The following DIAPH2 variants were observed in gnomAD, a reference collection of about 807,000 sequenced individuals.
DIAPH2 encodes diaphanous related formin 2, also known as protein diaphanous homolog 2.
DIAPH2 carries 35 observed loss-of-function variants against 92.7 expected under a neutral mutation model. That is an observed-to-expected ratio of 0.38 (90% CI 0.29 to 0.50). The LOEUF (loss-of-function observed/expected upper bound fraction) is 0.50. Ranked by LOEUF, DIAPH2 falls within the 20% of genes least tolerant of loss-of-function variation. DIAPH2 has a pLI of 0.94. For synonymous variants in DIAPH2, 301 were observed against 280.4 expected (o/e 1.07, Z -0.73); for missense variants, 701 against 819.5 (o/e 0.86, Z 1.77).
intron 23 of DIAPH2, among the ~76,000 whole-genome samples, chrX:97,277,088 G>A (rs1171982312): frequency 8.9e-6 from 1 of 112,489 alleles, no homozygotes; most frequent in Non-Finnish European, 1.9e-5. Flanking sequence ...TGTAATCCCA[G>A]CACTTTGGGA....
chrX:97,099,828 G>GC (rs1279788264), intron 20 of DIAPH2, 33 bp downstream of exon 20: 3 of 885,810 alleles, frequency 3.4e-6, no homozygotes, highest in Admixed American at 3.5e-5. Flanking sequence ...CACAAACTCA[G>GC]CTGGGAGGTT....
intron 26 of DIAPH2, among the ~76,000 whole-genome samples, chrX:97,497,073 C>T (rs2070764219): frequency 1.8e-5 from 2 of 110,308 alleles, no homozygotes; most frequent in South Asian, 7.8e-4. Flanking sequence ...TGAATTCATT[C>T]AGATAAGTGG....
chrX:97,398,315 G>T (rs1293700883), intron 25 of DIAPH2, among the ~76,000 whole-genome samples: 1 of 111,762 alleles, frequency 8.9e-6, no homozygotes, highest in African/African-American at 3.2e-5. Context: ...TGTTTTGAGG[G>T]GAAATCGAGA....
At chrX:96,754,750 C>T (rs922984645) in intron 3 of DIAPH2, among the ~76,000 whole-genome samples, 5 of 107,893 alleles carry the variant, frequency 4.6e-5, no homozygotes, top group Non-Finnish European at 9.6e-5. Flanking sequence ...CCTGGCAAAG[C>T]TCTGTCTCTA....
chrX:97,005,673 G>A (rs1010496791), intron 17 of DIAPH2, among the ~76,000 whole-genome samples: 3 of 110,656 alleles, frequency 2.7e-5, no homozygotes, highest in Non-Finnish European at 3.8e-5. Context: ...CTGAGTAGCT[G>A]GGACTACAGG....
At chrX:96,760,208 C>T (rs1198055807) in intron 4 of DIAPH2, among the ~76,000 whole-genome samples, 3 of 111,586 alleles carry the variant, frequency 2.7e-5, no homozygotes, top group Admixed American at 1.9e-4. Context: ...GAAGCTTTCT[C>T]ATCTTGGAAA....
intron 1 of DIAPH2, among the ~76,000 whole-genome samples, chrX:96,717,087 G>A (rs1237608636): frequency 9.0e-6 from 1 of 111,271 alleles, no homozygotes. Flanking sequence ...TTCTTCTACC[G>A]ATCGTTTACT....
chrX:96,777,945 A>G (rs1006435058), intron 4 of DIAPH2, among the ~76,000 whole-genome samples: 3 of 108,989 alleles, frequency 2.8e-5, no homozygotes, highest in Non-Finnish European at 5.7e-5. Flanking sequence ...GGTTTGTTAC[A>G]TATGTATACA....
At chrX:97,207,270 G>A (rs1255884636) in intron 22 of DIAPH2, among the ~76,000 whole-genome samples, 1 of 111,981 alleles carries the variant, frequency 8.9e-6, no homozygotes, top group Non-Finnish European at 1.9e-5. Flanking sequence ...ATGTAACAAT[G>A]TTTACAGCGT....
At chrX:97,173,598 G>T (rs2067469685) in intron 22 of DIAPH2, among the ~76,000 whole-genome samples, 1 of 110,978 alleles carries the variant, frequency 9.0e-6, no homozygotes, top group South Asian at 3.8e-4. Flanking sequence ...GTTCCGCTTA[G>T]GAGTACTTTT....
intron 17 of DIAPH2, among the ~76,000 whole-genome samples, chrX:97,054,449 A>C (rs1314656088): frequency 2.7e-5 from 3 of 111,649 alleles, no homozygotes; most frequent in African/African-American, 9.8e-5. Flanking sequence ...TAAGTGCTAC[A>C]TCCAAGATAG....
At chrX:97,479,848 A>G (rs1011095832) in intron 26 of DIAPH2, among the ~76,000 whole-genome samples, 2 of 111,395 alleles carry the variant, frequency 1.8e-5, no homozygotes, top group Non-Finnish European at 3.8e-5. Flanking sequence ...AGACAGCTCT[A>G]ATATGTACTA....
At position 97,016,331 on chromosome X, in the gene DIAPH2, T is replaced by C. The variant is rs180698341; in HGVS notation, c.2050+51124T>C. On this transcript the variant is annotated intron_variant, in intron 17 of 26. Transcript: ENST00000324765. ...TGAGTTTATGCAATTTGGCAGAAAG[T>C]GAAAACATATTTGGAAGTATTGAAA... Among the ~76,000 whole-genome samples the C allele has an allele frequency of 1.7e-4, 19 of 112,399 alleles. No homozygotes were observed. The East Asian group carries it at 5.3e-3, about 31-fold the overall frequency.
At chrX:96,848,810 A>AT (rs767975367) in intron 4 of DIAPH2, among the ~76,000 whole-genome samples, 2 of 112,336 alleles carry the variant, frequency 1.8e-5, no homozygotes, top group Non-Finnish European at 3.8e-5. Context: ...GATAAAATGC[A>AT]TTTATCTTTA....
intron 22 of DIAPH2, among the ~76,000 whole-genome samples, chrX:97,196,789 G>GTTTT (rs769690726): frequency 1.0e-5 from 1 of 99,590 alleles, no homozygotes; most frequent in Non-Finnish European, 2.1e-5. Flanking sequence ...TTTTTTTTCG[G>GTTTT]TTTTTTTTTT....
intron 25 of DIAPH2, among the ~76,000 whole-genome samples, chrX:97,398,346 A>G (rs1233456476): frequency 8.9e-6 from 1 of 112,180 alleles, no homozygotes; most frequent in Non-Finnish European, 1.9e-5. Context: ...GAGATGAACT[A>G]TGGTTACATT....
At chrX:97,068,513 G>A (rs1205897523) in intron 17 of DIAPH2, among the ~76,000 whole-genome samples, 4 of 110,694 alleles carry the variant, frequency 3.6e-5, no homozygotes, top group Non-Finnish European at 1.9e-5. Flanking sequence ...TTCCAGAAAT[G>A]CATAGATAAA....
chrX:97,002,053 A>T (rs1252662623), intron 17 of DIAPH2, among the ~76,000 whole-genome samples: 1 of 111,003 alleles, frequency 9.0e-6, no homozygotes, highest in Non-Finnish European at 1.9e-5. Flanking sequence ...TTGATAATTC[A>T]AGTCAATAAT....
At chrX:97,226,436 C>T (rs904577959) in intron 22 of DIAPH2, among the ~76,000 whole-genome samples, 4 of 110,862 alleles carry the variant, frequency 3.6e-5, no homozygotes, top group Admixed American at 9.7e-5. Context: ...TGCAATGGCG[C>T]GATCTCGGCT....
Sources: gnomAD v4.1 joint callset for allele counts (sites outside exome capture counted in the v4.1 genomes callset) on GRCh38, gnomAD v4.1.1 for gene constraint, MANE v1.5 for transcripts, NCBI Gene and HGNC (gene_info 2026-07-23, HGNC 2026-07-21) for gene names.